PALLD: variants seen among roughly 807,000 people sequenced by gnomAD.
The protein encoded by PALLD is palladin.
PALLD carries 61 observed loss-of-function variants against 123.5 expected under a neutral mutation model. The observed-to-expected ratio is 0.49, with a 90% CI of 0.40 to 0.61. PALLD has a LOEUF of 0.61. PALLD is among the 20% of genes least tolerant of loss of function. PALLD has a pLI of 0.00. For missense variants in PALLD, 1,273 were observed against 1,377.0 expected (o/e 0.92, Z 1.20); for synonymous variants, 465 against 496.4 (o/e 0.94, Z 0.84).
intron 10 of PALLD, among the ~76,000 whole-genome samples, chr4:168,830,634 C>T (rs1744073420): frequency 6.6e-6 from 1 of 152,152 alleles, no homozygotes; most frequent in Non-Finnish European, 1.5e-5. Context: ...TTTTAGGCAG[C>T]TAACAATTTA....
chr4:168,822,991 A>C (rs560346035), intron 10 of PALLD, among the ~76,000 whole-genome samples: 1 of 152,262 alleles, frequency 6.6e-6, no homozygotes, highest in Admixed American at 6.5e-5. Flanking sequence ...CTGCATTATG[A>C]CTTTCATGGG....
chr4:168,661,726 CAT>C (rs955042503), intron 2 of PALLD, among the ~76,000 whole-genome samples: 33 of 152,312 alleles, frequency 2.2e-4, no homozygotes, highest in Admixed American at 1.2e-3. Flanking sequence ...TTTGTTAAAA[CAT>C]GTGTCTATCC....
chr4:168,745,497 G>A (rs114826342), intron 10 of PALLD, among the ~76,000 whole-genome samples: 3,642 of 151,486 alleles, frequency 0.024, 132 homozygotes, highest in African/African-American at 0.074. Context: ...TTCTTCAACT[G>A]GAATAGTTAG....
chr4:168,619,334 G>A (rs1020381520), intron 2 of PALLD, among the ~76,000 whole-genome samples: 2 of 152,236 alleles, frequency 1.3e-5, no homozygotes, highest in Admixed American at 6.5e-5. Context: ...CTGGAATGTG[G>A]AAGGGAGCTG....
At chr4:168,835,383 T>A (rs1041539323) in intron 10 of PALLD, among the ~76,000 whole-genome samples, 3 of 152,194 alleles carry the variant, frequency 2.0e-5, no homozygotes, top group African/African-American at 7.2e-5. Context: ...TTGAAAGTGC[T>A]CCTGGTACTA....
At position 168,685,532 on chromosome 4, in the gene PALLD, T is replaced by A; in HGVS notation, c.1308T>A (p.Thr436=). 1 of 1,612,490 alleles carries A rather than the reference T, an allele frequency of 6.2e-7. No individual in the cohort carries two copies. The highest frequency in any genetic ancestry group is 1.3e-5 in the African/African-American group (1 of 75,006). Reference sequence around the variant, plus strand: ...TCTGCCGACCTGATGGAACCACTACTGCCTACTTTCCTCCTGTTTTTACAA... The same window carrying A: ...TCTGCCGACCTGATGGAACCACTACAGCCTACTTTCCTCCTGTTTTTACAA... The part of the protein sequence containing the change: ...SYLCRPDGTT[T]AYFPPVFTKE... The change falls in exon 6 of 22, where the codon ACT becomes ACA. Residue 436 remains threonine (T), a synonymous_variant. Coordinates refer to ENST00000505667, the MANE Select transcript of PALLD (RefSeq NM_001166108.2).
At chr4:168,713,121 A>G (rs1784997962) in intron 10 of PALLD, among the ~76,000 whole-genome samples, 1 of 152,108 alleles carries the variant, frequency 6.6e-6, no homozygotes, top group South Asian at 2.1e-4. Context: ...ATATATTGCT[A>G]CCCTCTACTT....
intron 2 of PALLD, among the ~76,000 whole-genome samples, chr4:168,616,861 G>T (rs953038765): frequency 6.6e-6 from 1 of 152,124 alleles, no homozygotes; most frequent in African/African-American, 2.4e-5. Flanking sequence ...GATTGCTGTT[G>T]TTTACCCCAA....
chr4:168,639,401 G>GC (rs1211664110), intron 2 of PALLD, among the ~76,000 whole-genome samples: 1 of 152,152 alleles, frequency 6.6e-6, no homozygotes, highest in African/African-American at 2.4e-5. Flanking sequence ...GTCTGGTGTG[G>GC]CCCCTTGGTC....
At chr4:168,704,550 G>C (rs1037655929) in intron 8 of PALLD, among the ~76,000 whole-genome samples, 1 of 151,614 alleles carries the variant, frequency 6.6e-6, no homozygotes, top group African/African-American at 2.4e-5. Flanking sequence ...TGTAGTCCCA[G>C]CTACTGGGCA....
chr4:168,501,477 A>G (rs1473046088), intron 1 of PALLD, among the ~76,000 whole-genome samples: 1 of 152,184 alleles, frequency 6.6e-6, no homozygotes, highest in Non-Finnish European at 1.5e-5. Flanking sequence ...GTGGACATTT[A>G]CCTTTGAAAG....
rs35555541 is a variant in PALLD at position 168,527,422 on chromosome 4, C to CAAAAAAAAAA, written c.908+15023_908+15032dup. Among the ~76,000 whole-genome samples the CAAAAAAAAAA allele has an allele frequency of 9.0e-3, 475 of 52,894 alleles. 47 individuals carry two copies. The highest frequency in any genetic ancestry group is 0.026 in the Middle Eastern group (1 of 38). The allele number at this position is 52,894 out of a possible 152,430, so 34.7% of individuals were successfully genotyped here. On this transcript the variant is annotated intron_variant, in intron 2 of 21. Transcript: ENST00000505667. ...GGGCAACAGGAGTGAAACTCCATCT[C>CAAAAAAAAAA]AAAAAAAAAAAAAAAAAAAAAAGTC...
At chr4:168,742,555 A>C (rs905991353) in intron 10 of PALLD, among the ~76,000 whole-genome samples, 5 of 152,234 alleles carry the variant, frequency 3.3e-5, no homozygotes, top group Non-Finnish European at 5.9e-5. Flanking sequence ...GGACCTGAAC[A>C]GTTTCTGTTC....
At chr4:168,520,310 A>G (rs1372677969) in intron 2 of PALLD, among the ~76,000 whole-genome samples, 1 of 137,162 alleles carries the variant, frequency 7.3e-6, no homozygotes, top group Non-Finnish European at 1.5e-5. Context: ...TGGGTGACAG[A>G]GCGAAGATTC....
At chr4:168,626,217 A>G (rs868206771) in intron 2 of PALLD, among the ~76,000 whole-genome samples, 18 of 151,216 alleles carry the variant, frequency 1.2e-4, no homozygotes, top group Admixed American at 2.6e-4. Context: ...TGGCTAACAC[A>G]GTGAAACCTC....
intron 2 of PALLD, among the ~76,000 whole-genome samples, chr4:168,666,516 T>C (rs1779674316): frequency 6.6e-6 from 1 of 152,054 alleles, no homozygotes; most frequent in Non-Finnish European, 1.5e-5. Flanking sequence ...GGTAAGGAGA[T>C]AATTCCAAGG....
intron 2 of PALLD, among the ~76,000 whole-genome samples, chr4:168,650,101 G>A (rs1777884411): frequency 6.6e-6 from 1 of 152,112 alleles, no homozygotes; most frequent in Admixed American, 6.5e-5. Flanking sequence ...TTGAACCCAG[G>A]AGGCGGAGGT....
Position 168,511,547 on chromosome 4 carries a change from T to A in PALLD, c.43T>A (p.Ser15Thr). The A allele has an allele frequency of 6.2e-7, 1 of 1,614,066 alleles. No individual in the cohort carries two copies. Among genetic ancestry groups the A allele is most frequent in the Non-Finnish European group, 8.5e-7 (1 of 1,179,942 alleles). The change falls in exon 2 of 22, where the codon TCA becomes ACA. Residue 15 changes from serine (S) to threonine (T), a missense_variant. Transcript: ENST00000505667. ...CCATGAGTCCTTCTATGACTCCCTC[T>A]CAGACATGCAGGAAGAAAGCAAGAA... ...SSHESFYDSL[S>T]DMQEESKNTD...
rs368471598 is a variant in PALLD, at chr4:168,647,578, C to T, written c.909-20612C>T. Among the ~76,000 whole-genome samples, 129 of 152,020 alleles carry T rather than the reference C, an allele frequency of 8.5e-4. 1 individual carries two copies. The East Asian group carries it at 8.9e-3, about 11-fold the overall frequency. ...GGCACGTCATCTGAGGTCAGGAGTT[C>T]GAGACCAGCCTGGCCAATATGGTGA... On this transcript the variant is annotated intron_variant, in intron 2 of 21. Transcript: ENST00000505667.
Sources: gnomAD v4.1 joint callset for allele counts (sites outside exome capture counted in the v4.1 genomes callset) on GRCh38, gnomAD v4.1.1 for gene constraint, MANE v1.5 for transcripts, NCBI Gene and HGNC (gene_info 2026-07-23, HGNC 2026-07-21) for gene names.